PCDHGA3: variants seen among roughly 807,000 people sequenced by gnomAD.
The protein encoded by PCDHGA3 is protocadherin gamma subfamily A, 3.
A neutral mutation model predicts 58.5 loss-of-function variants in PCDHGA3; 40 were observed. That is an observed-to-expected ratio of 0.68 (90% CI 0.53 to 0.89). PCDHGA3 has a LOEUF of 0.89. Ranked by LOEUF, PCDHGA3 falls within the 40% of genes least tolerant of loss-of-function variation. The pLI, the probability that PCDHGA3 is intolerant of heterozygous loss-of-function variation, is 0.00. For synonymous variants in PCDHGA3, 530 were observed against 525.7 expected, an observed-to-expected ratio of 1.01 and a Z score of -0.11; for missense variants, 1,223 against 1,195.9, an observed-to-expected ratio of 1.02 and a Z score of -0.33.
chr5:141,427,434 A>G (rs2097026509), intron 1 of PCDHGA3: 1 of 473,650 alleles, frequency 2.1e-6, no homozygotes, highest in African/African-American at 2.0e-5. Context: ...TACATGCCTC[A>G]TAAACGAAAG....
At chr5:141,418,409 G>T in intron 1 of PCDHGA3, 1 of 1,613,910 alleles carries the variant, frequency 6.2e-7, no homozygotes, top group Non-Finnish European at 8.5e-7. Flanking sequence ...GGTGGAGAAA[G>T]ACAATCCTGA....
intron 1 of PCDHGA3, chr5:141,373,979 C>A: frequency 9.0e-7 from 1 of 1,107,704 alleles, no homozygotes; most frequent in Non-Finnish European, 1.2e-6. Context: ...CGCATCCGGT[C>A]TCTGCTTGTT....
chr5:141,399,955 C>G, intron 1 of PCDHGA3: 1 of 1,612,146 alleles, frequency 6.2e-7, no homozygotes. Flanking sequence ...GGCTAGCGAG[C>G]CCGGGCTCTT....
At chr5:141,396,033 C>G (rs191318626) in intron 1 of PCDHGA3, 2 of 152,280 alleles carry the variant, frequency 1.3e-5, no homozygotes, top group South Asian at 2.1e-4. Flanking sequence ...TATGTAAGAA[C>G]ATATTTCAAT....
intron 1 of PCDHGA3, chr5:141,375,406 T>A: frequency 6.2e-7 from 1 of 1,613,968 alleles, no homozygotes; most frequent in Admixed American, 1.7e-5. Flanking sequence ...TCTCTCTAAA[T>A]GTGGCAGACA....
intron 1 of PCDHGA3, among the ~76,000 whole-genome samples, chr5:141,349,157 G>T (rs1174610915): frequency 1.3e-5 from 2 of 152,068 alleles, no homozygotes. Context: ...TGCAACCTCT[G>T]CCTCCTGAGT....
At chr5:141,369,961 C>G (rs1766581774) in intron 1 of PCDHGA3, among the ~76,000 whole-genome samples, 1 of 152,090 alleles carries the variant, frequency 6.6e-6, no homozygotes, top group African/African-American at 2.4e-5. Flanking sequence ...TGCCCTTTGA[C>G]AAGTAAAAGG....
Position 141,476,966 on chromosome 5 carries a change from G to T in PCDHGA3, c.2425-17841G>T, listed in dbSNP as rs780645226. The T allele has an allele frequency of 6.2e-7, 1 of 1,614,152 alleles. No homozygotes were observed. Among genetic ancestry groups the T allele is most frequent in the Admixed American group, 1.7e-5 (1 of 60,032 alleles). On this transcript the variant is annotated intron_variant, in intron 1 of 3. Coordinates refer to ENST00000253812, the MANE Select transcript of PCDHGA3 (RefSeq NM_018916.4). The surrounding 1 kb of genome is among the most constrained non-coding windows in gnomAD (Gnocchi z 7.6). Reference sequence around the variant, plus strand: ...CAACGGTGAAATTATTTACTCCTTCGGCAGCCACAACCGCGCCGGCGTGCG... The same window carrying T: ...CAACGGTGAAATTATTTACTCCTTCTGCAGCCACAACCGCGCCGGCGTGCG...
intron 1 of PCDHGA3, chr5:141,355,438 C>A (rs1313057434): frequency 2.5e-6 from 4 of 1,613,966 alleles, no homozygotes; most frequent in African/African-American, 1.3e-5. Context: ...CCTGAACCCG[C>A]GCAGCGGCAC....
At position 141,355,028 on chromosome 5, in the gene PCDHGA3, C is replaced by T. The variant is rs1759694339; in HGVS notation, c.2424+8571C>T. Reference sequence around the variant, plus strand: ...CAAACCAGAAATTTAATCAGAATCACAAGATTTCTGCAGCACAAAGCACTG... The same window carrying T: ...CAAACCAGAAATTTAATCAGAATCATAAGATTTCTGCAGCACAAAGCACTG... On this transcript the variant is annotated intron_variant, in intron 1 of 3. Transcript: ENST00000253812. The T allele has an allele frequency of 1.3e-5, 13 of 968,218 alleles. No individual in the cohort carries two copies. The South Asian group carries it at 3.2e-4, about 24-fold the overall frequency. The allele number at this position is 968,218 out of a possible 1,614,324, so 60.0% of individuals were successfully genotyped here.
intron 2 of PCDHGA3, among the ~76,000 whole-genome samples, chr5:141,499,937 C>T (rs1257575594): frequency 6.6e-6 from 1 of 152,082 alleles, no homozygotes; most frequent in Non-Finnish European, 1.5e-5. Context: ...ATCCACCCTC[C>T]TCGGCCTCCC....
At chr5:141,356,078 A>C (rs779701115) in intron 1 of PCDHGA3, 6 of 1,613,924 alleles carry the variant, frequency 3.7e-6, no homozygotes, top group Non-Finnish European at 5.1e-6. Context: ...CAGCTATTTC[A>C]GTTGAATTCT....
At chr5:141,355,332 G>A (rs557704371) in intron 1 of PCDHGA3, 1 of 1,614,032 alleles carries the variant, frequency 6.2e-7, no homozygotes, top group South Asian at 1.1e-5. Flanking sequence ...AAGGCTCAGT[G>A]GTGGGCAACA....
intron 1 of PCDHGA3, chr5:141,351,787 G>A (rs1758823316): frequency 6.2e-7 from 1 of 1,613,298 alleles, no homozygotes; most frequent in Admixed American, 1.7e-5. Flanking sequence ...AGAGCGGGGT[G>A]GTGTTCGCGC....
Position 141,493,022 on chromosome 5 carries a change from G to C in PCDHGA3, c.2425-1785G>C, listed in dbSNP as rs1184742888. On this transcript the variant is annotated intron_variant, in intron 1 of 3. Transcript: ENST00000253812. This position sits in a 1 kb window ranked among gnomAD's most constrained non-coding sequence, Gnocchi z 4.3. Reference sequence around the variant, plus strand: ...GCTATAGGCTCTGCCAGATGCCAGGGTGCCCTTATGTGTGAGGAAACTACA... The same window carrying C: ...GCTATAGGCTCTGCCAGATGCCAGGCTGCCCTTATGTGTGAGGAAACTACA... Among the ~76,000 whole-genome samples the C allele has an allele frequency of 6.6e-6, 1 of 152,222 alleles. No individual in the cohort carries two copies. Among genetic ancestry groups the C allele is most frequent in the Non-Finnish European group, 1.5e-5 (1 of 68,040 alleles).
At position 141,398,098 on chromosome 5, in the gene PCDHGA3, C is replaced by T. The variant is rs770737294; in HGVS notation, c.2424+51641C>T. 2.5e-6 allele frequency: 4 copies of T among 1,596,954 alleles called. No homozygotes were observed. In the South Asian group the frequency reaches 4.5e-5, roughly 18 times the overall value. ...TTATTTGTAACCTGGCGTCTCCAGGCTGGTGAGCAAGCTGAGGAGAGCAAG... is the reference window on the plus strand; with the variant it reads ...TTATTTGTAACCTGGCGTCTCCAGGTTGGTGAGCAAGCTGAGGAGAGCAAG... On this transcript the variant is annotated intron_variant, in intron 1 of 3. Transcript: ENST00000253812.
chr5:141,388,774 G>T, intron 1 of PCDHGA3: 1 of 1,613,878 alleles, frequency 6.2e-7, no homozygotes, highest in Non-Finnish European at 8.5e-7. Context: ...TCTAACACCG[G>T]GGAAATTACT....
At chr5:141,371,684 A>G (rs756152313) in intron 1 of PCDHGA3, 4 of 1,614,050 alleles carry the variant, frequency 2.5e-6, no homozygotes, top group Non-Finnish European at 3.4e-6. Context: ...AAGGCAATCC[A>G]CCGCTCTCCT....
At chr5:141,504,502 G>A (rs2099838821) in intron 2 of PCDHGA3, among the ~76,000 whole-genome samples, 1 of 152,128 alleles carries the variant, frequency 6.6e-6, no homozygotes, top group Non-Finnish European at 1.5e-5. Context: ...CCCAGTCTGA[G>A]TGGATCTCCT....
Sources: gnomAD v4.1 joint callset for allele counts (sites outside exome capture counted in the v4.1 genomes callset) on GRCh38, gnomAD v4.1.1 for gene constraint, Gnocchi (gnomAD v3.1) non-coding constraint, MANE v1.5 for transcripts, NCBI Gene and HGNC (gene_info 2026-07-23, HGNC 2026-07-21) for gene names.